Variants in NCAM2 observed in about 807,000 individuals in gnomAD.
The protein encoded by NCAM2 is N-CAM-2.
A neutral mutation model predicts 98.1 loss-of-function variants in NCAM2; 30 were observed. The observed-to-expected ratio is 0.31, with a 90% confidence interval of 0.23 to 0.41. The LOEUF is 0.41. NCAM2 is among the 10% of genes least tolerant of loss of function. NCAM2 has a pLI of 1.00. For missense variants in NCAM2, 867 were observed against 1,005.8 expected, an observed-to-expected ratio of 0.86 and a Z score of 1.87; for synonymous variants, 368 against 342.4, an observed-to-expected ratio of 1.07 and a Z score of -0.83.
chr21:21,458,826 C>T (rs76146887), intron 12 of NCAM2, among the ~76,000 whole-genome samples: 1,775 of 151,966 alleles, frequency 0.012, 49 homozygotes, highest in African/African-American at 0.04. Flanking sequence ...GCCTAGGCAA[C>T]AAAAGCAAAA....
At chr21:21,160,509 C>A (rs1417292019) in intron 1 of NCAM2, among the ~76,000 whole-genome samples, 2 of 151,760 alleles carry the variant, frequency 1.3e-5, no homozygotes, top group African/African-American at 2.4e-5. Context: ...ACAATATTTT[C>A]TAAAATCTTT....
chr21:21,111,638 A>T (rs2066456695), intron 1 of NCAM2, among the ~76,000 whole-genome samples: 1 of 152,224 alleles, frequency 6.6e-6, no homozygotes, highest in Non-Finnish European at 1.5e-5. Context: ...AAGAAAGCAC[A>T]GTAGATGGTA....
At chr21:21,327,939 G>T (rs1601990466) in intron 6 of NCAM2, among the ~76,000 whole-genome samples, 1 of 152,236 alleles carries the variant, frequency 6.6e-6, no homozygotes, top group Non-Finnish European at 1.5e-5. Context: ...TGACTCTAAA[G>T]GTTCCCCCCT....
chr21:21,143,741 A>G (rs1288437975), intron 1 of NCAM2, among the ~76,000 whole-genome samples: 1 of 140,742 alleles, frequency 7.1e-6, no homozygotes, highest in Non-Finnish European at 1.5e-5. Context: ...AAAACGCATT[A>G]TTTAAAATAT....
At chr21:21,392,058 G>A (rs941644731) in intron 9 of NCAM2, among the ~76,000 whole-genome samples, 2 of 152,114 alleles carry the variant, frequency 1.3e-5, no homozygotes, top group Non-Finnish European at 2.9e-5. Context: ...CAGGTATTAA[G>A]CCTAGTACCT....
chr21:21,457,084 G>T (rs554765855), intron 12 of NCAM2, among the ~76,000 whole-genome samples: 23 of 152,236 alleles, frequency 1.5e-4, no homozygotes, highest in African/African-American at 4.6e-4. Context: ...TTTAGAATTG[G>T]GTAATGGCTA....
intron 15 of NCAM2, among the ~76,000 whole-genome samples, chr21:21,485,092 C>T (rs1163768341): frequency 6.6e-6 from 1 of 152,002 alleles, no homozygotes; most frequent in African/African-American, 2.4e-5. Context: ...TTATATAAAA[C>T]ATAAGCATTA....
At chr21:21,401,306 G>A (rs549358028) in intron 9 of NCAM2, among the ~76,000 whole-genome samples, 120 of 152,132 alleles carry the variant, frequency 7.9e-4, no homozygotes, top group African/African-American at 2.7e-3. Flanking sequence ...ACAATACTCA[G>A]CCTTTTTCGT....
At chr21:21,202,473 A>G (rs2069271719) in intron 1 of NCAM2, among the ~76,000 whole-genome samples, 2 of 129,360 alleles carry the variant, frequency 1.5e-5, no homozygotes, top group African/African-American at 5.9e-5. Flanking sequence ...CTGGAGTGCA[A>G]TGGTGCAAAC....
chr21:21,243,372 T>C (rs948395494), intron 1 of NCAM2, among the ~76,000 whole-genome samples: 1 of 152,232 alleles, frequency 6.6e-6, no homozygotes, highest in Non-Finnish European at 1.5e-5. Context: ...GGAAATATTA[T>C]AGCTCATAAA....
chr21:21,398,072 C>T (rs1403367998), intron 9 of NCAM2, among the ~76,000 whole-genome samples: 1 of 152,172 alleles, frequency 6.6e-6, no homozygotes, highest in African/African-American at 2.4e-5. Flanking sequence ...TGCGTGAATA[C>T]TATTCAGCCA....
Position 21,264,490 on chromosome 21 carries a change from A to T in NCAM2, c.56-16088A>T, listed in dbSNP as rs2072048824. Among the ~76,000 whole-genome samples the T allele has an allele frequency of 2.0e-5, 3 of 152,118 alleles. No homozygotes were observed. The South Asian group carries it at 6.2e-4, about 32-fold the overall frequency. ...TACCATTTGACCTAGCAATTCCATT[A>T]TTCAGTACCTAAGCAAAGGAAAACA... On this transcript the variant is annotated intron_variant, in intron 1 of 17. Coordinates refer to ENST00000400546, the MANE Select transcript of NCAM2 (RefSeq NM_004540.5).
In NCAM2 at chr21:21,437,808, C is replaced by T. The variant is rs911340435; in HGVS notation, c.1654+5527C>T. On this transcript the variant is annotated intron_variant, in intron 12 of 17. Transcript: ENST00000400546. ...TAATCAGTGGATTTGAAAAGATTTT[C>T]GAAAATGATATGCATAATTTCTAGG... Among the ~76,000 whole-genome samples the T allele has an allele frequency of 8.6e-5, 13 of 151,856 alleles. 1 individual carries two copies. Among genetic ancestry groups the T allele is most frequent in the South Asian group, 6.2e-4 (3 of 4,822 alleles).
At chr21:21,311,093 CACA>C (rs750303941) in intron 5 of NCAM2, among the ~76,000 whole-genome samples, 8 of 152,158 alleles carry the variant, frequency 5.3e-5, no homozygotes, top group Non-Finnish European at 1.2e-4. Flanking sequence ...TTGAAAGTTT[CACA>C]ACAATTTGTC....
intron 16 of NCAM2, among the ~76,000 whole-genome samples, chr21:21,531,219 A>G (rs1441306041): frequency 2.0e-5 from 3 of 152,126 alleles, no homozygotes; most frequent in Non-Finnish European, 4.4e-5. Flanking sequence ...ATATGATGCT[A>G]TTTATTACAT....
intron 5 of NCAM2, among the ~76,000 whole-genome samples, chr21:21,316,921 C>T (rs2074241261): frequency 1.3e-5 from 2 of 152,170 alleles, no homozygotes; most frequent in Non-Finnish European, 2.9e-5. Flanking sequence ...CATAAACCCC[C>T]CGGTGCCAAA....
chr21:21,035,134 A>G (rs572551455), intron 1 of NCAM2, among the ~76,000 whole-genome samples: 1 of 152,200 alleles, frequency 6.6e-6, no homozygotes, highest in Admixed American at 6.5e-5. Context: ...GGAATTGTAT[A>G]AACAAGGGAC....
chr21:21,242,358 C>T (rs887826587), intron 1 of NCAM2, among the ~76,000 whole-genome samples: 8 of 152,162 alleles, frequency 5.3e-5, no homozygotes, highest in African/African-American at 1.7e-4. Flanking sequence ...TTAAAATCTA[C>T]TTTTTAAAAC....
At chr21:21,248,660 CCAG>C (rs1026307805) in intron 1 of NCAM2, among the ~76,000 whole-genome samples, 24 of 151,386 alleles carry the variant, frequency 1.6e-4, no homozygotes, top group African/African-American at 5.8e-4. Context: ...GCCTGTAGTC[CCAG>C]CTACTAGTGA....
Sources: allele counts gnomAD v4.1 joint callset (sites outside exome capture counted in the v4.1 genomes callset), GRCh38; gene constraint gnomAD v4.1.1; transcripts MANE v1.5; gene names NCBI Gene and HGNC (gene_info 2026-07-23, HGNC 2026-07-21).